ATP8A2: variants seen among roughly 807,000 people sequenced by gnomAD.
The protein encoded by ATP8A2 is ATPase phospholipid transporting 8A2, also known as phospholipid-transporting ATPase IB.
ATP8A2 carries 100 observed loss-of-function variants against 165.6 expected under a neutral mutation model. The observed-to-expected ratio is 0.60, with a 90% CI of 0.51 to 0.71. The LOEUF (loss-of-function observed/expected upper bound fraction) is 0.71. Ranked by LOEUF, ATP8A2 falls within the 30% of genes least tolerant of loss-of-function variation. The pLI is 0.00. For synonymous variants in ATP8A2, 543 were observed against 548.8 expected (o/e 0.99, Z 0.15); for missense variants, 1,227 against 1,479.5 (o/e 0.83, Z 2.80).
chr13:25,504,898 C>CT (rs2036982436), intron 2 of ATP8A2, among the ~76,000 whole-genome samples: 1 of 152,120 alleles, frequency 6.6e-6, no homozygotes, highest in Admixed American at 6.5e-5. Context: ...TAAATCTTTG[C>CT]TTGGGTCAGT....
At chr13:25,808,547 C>A (rs1308596055) in intron 27 of ATP8A2, among the ~76,000 whole-genome samples, 1 of 150,818 alleles carries the variant, frequency 6.6e-6, no homozygotes, top group Admixed American at 6.6e-5. Flanking sequence ...TGCAGTGAAC[C>A]GATATCATGC....
At chr13:25,896,294 A>G (rs543065838) in intron 33 of ATP8A2, among the ~76,000 whole-genome samples, 1 of 152,306 alleles carries the variant, frequency 6.6e-6, no homozygotes, top group African/African-American at 2.4e-5. Context: ...TTATGTACCC[A>G]GTAGTCATTC....
intron 30 of ATP8A2, among the ~76,000 whole-genome samples, chr13:25,858,353 CT>C (rs1162332040): frequency 6.6e-6 from 1 of 152,174 alleles, no homozygotes; most frequent in African/African-American, 2.4e-5. Context: ...TCCTTGTCCC[CT>C]CTCCCCTAAG....
Position 25,372,370 on chromosome 13 carries a change from C to T in ATP8A2, c.76+82C>T. ...GCGCGCCTGCGGTTATGCGACACTG[C>T]CCCGCCCGCGCCCCGCTCCCCTCCC... On this transcript the variant is annotated intron_variant, in intron 1 of 36. Transcript: ENST00000381655. The surrounding 1 kb of genome is among the most constrained non-coding windows in gnomAD (Gnocchi z 4.8). 5.9e-6 allele frequency: 6 copies of T among 1,015,500 alleles called. No homozygotes were observed. Among genetic ancestry groups the T allele is most frequent in the South Asian group, 2.4e-5 (1 of 41,552 alleles). 62.9% of individuals were successfully genotyped at this position (1,015,500 alleles called of 1,614,324 possible).
intron 25 of ATP8A2, among the ~76,000 whole-genome samples, chr13:25,758,098 T>C (rs912347149): frequency 2.0e-5 from 3 of 152,224 alleles, no homozygotes; most frequent in Non-Finnish European, 4.4e-5. Context: ...ACTGAATAGC[T>C]ACCAGGTGGA....
intron 1 of ATP8A2, among the ~76,000 whole-genome samples, chr13:25,417,270 G>A (rs2034158896): frequency 6.6e-6 from 1 of 152,082 alleles, no homozygotes; most frequent in Non-Finnish European, 1.5e-5. Flanking sequence ...GTGTAACTGA[G>A]TCCCCACCTT....
At chr13:25,699,110 TC>T in intron 24 of ATP8A2, 62 bp from the exon 25 acceptor site, 2 of 1,284,582 alleles carry the variant, frequency 1.6e-6, no homozygotes, top group Non-Finnish European at 2.1e-6. Flanking sequence ...AATTTTGAAT[TC>T]TATTTTGTTT....
chr13:25,384,941 G>T (rs1407941542), intron 1 of ATP8A2, among the ~76,000 whole-genome samples: 2 of 152,136 alleles, frequency 1.3e-5, no homozygotes, highest in African/African-American at 4.8e-5. Context: ...GGGATGGGTG[G>T]GACATGCCCC....
chr13:25,725,362 G>T (rs2043470036), intron 25 of ATP8A2, among the ~76,000 whole-genome samples: 1 of 152,224 alleles, frequency 6.6e-6, no homozygotes, highest in African/African-American at 2.4e-5. Flanking sequence ...TGGTGACAGG[G>T]CTAGGAATTG....
chr13:25,570,496 C>A (rs1297790341), intron 16 of ATP8A2, among the ~76,000 whole-genome samples: 1 of 152,166 alleles, frequency 6.6e-6, no homozygotes, highest in Non-Finnish European at 1.5e-5. Flanking sequence ...TACAGGAAGG[C>A]TCTTTCGTCT....
At chr13:25,536,591 A>G (rs550259106) in intron 6 of ATP8A2, among the ~76,000 whole-genome samples, 2 of 152,186 alleles carry the variant, frequency 1.3e-5, no homozygotes, top group Non-Finnish European at 2.9e-5. Context: ...AAAATTAAAC[A>G]TGGGCACCTG....
intron 1 of ATP8A2, among the ~76,000 whole-genome samples, chr13:25,400,221 G>A (rs1229553834): frequency 2.6e-5 from 4 of 152,138 alleles, no homozygotes; most frequent in Non-Finnish European, 5.9e-5. Context: ...CACCACACCT[G>A]GTTTCTTGGT....
At chr13:25,692,422 C>T (rs895930733) in intron 24 of ATP8A2, among the ~76,000 whole-genome samples, 5 of 152,158 alleles carry the variant, frequency 3.3e-5, no homozygotes, top group Admixed American at 1.3e-4. Context: ...GCCGAGCTGA[C>T]GGAGGAAGAG....
intron 17 of ATP8A2, 123 bp downstream of exon 17, chr13:25,570,995 A>C (rs1593556067): frequency 4.5e-6 from 3 of 661,246 alleles, no homozygotes; most frequent in South Asian, 2.2e-5. Flanking sequence ...TGTTGGCCTC[A>C]CCCTGTGGCC....
chr13:25,787,241 C>T (rs2045052886), intron 27 of ATP8A2, among the ~76,000 whole-genome samples: 1 of 152,252 alleles, frequency 6.6e-6, no homozygotes, highest in African/African-American at 2.4e-5. Context: ...GACTCAGTTC[C>T]TGGCAACAGC....
chr13:25,415,703 G>A (rs1008407521), intron 1 of ATP8A2, among the ~76,000 whole-genome samples: 5 of 152,090 alleles, frequency 3.3e-5, no homozygotes, highest in Admixed American at 2.0e-4. Flanking sequence ...TCCCTGTCTC[G>A]GTTCTGTCAT....
At chr13:25,627,667 A>G (rs1454558565) in intron 24 of ATP8A2, among the ~76,000 whole-genome samples, 2 of 152,150 alleles carry the variant, frequency 1.3e-5, no homozygotes, top group Admixed American at 1.3e-4. Context: ...ACTTTGAGAA[A>G]TAAATGCCTG....
chr13:25,690,462 G>A (rs893274190), intron 24 of ATP8A2, among the ~76,000 whole-genome samples: 3 of 150,298 alleles, frequency 2.0e-5, no homozygotes, highest in Non-Finnish European at 3.0e-5. Context: ...TCTTAGACAA[G>A]GCAAGCCCAT....
intron 3 of ATP8A2, 94 bp from the exon 4 acceptor site, chr13:25,530,468 A>G (rs773263150): frequency 5.5e-6 from 4 of 732,974 alleles, no homozygotes; most frequent in African/African-American, 1.8e-5. Context: ...ACAGAACTGC[A>G]AAAGTGTGAA....
Sources: allele counts gnomAD v4.1 joint callset (sites outside exome capture counted in the v4.1 genomes callset), GRCh38; gene constraint gnomAD v4.1.1; non-coding constraint Gnocchi (gnomAD v3.1); transcripts MANE v1.5; gene names NCBI Gene and HGNC (gene_info 2026-07-23, HGNC 2026-07-21).